HPSE2: variants seen among roughly 807,000 people sequenced by gnomAD.
HPSE2 encodes the protein heparanase 2 (inactive), also known as inactive heparanase-2.
In HPSE2, 38 loss-of-function variants were observed where a neutral mutation model predicts 60.5. The observed-to-expected ratio is 0.63, with a 90% CI of 0.48 to 0.82. The LOEUF (loss-of-function observed/expected upper bound fraction) is 0.82. Ranked by LOEUF, HPSE2 falls within the 40% of genes least tolerant of loss-of-function variation. HPSE2 has a pLI of 0.00. For synonymous variants in HPSE2, 295 were observed against 293.2 expected (o/e 1.01, Z -0.06); for missense variants, 713 against 740.4 (o/e 0.96, Z 0.43).
chr10:98,752,216 C>A (rs1012621584), intron 3 of HPSE2, among the ~76,000 whole-genome samples: 38 of 151,864 alleles, frequency 2.5e-4, no homozygotes, highest in Non-Finnish European at 2.1e-4. Context: ...GTGACTGTGA[C>A]AAAGACACAT....
chr10:99,214,991 G>A (rs1363421174), intron 2 of HPSE2, among the ~76,000 whole-genome samples: 4 of 152,136 alleles, frequency 2.6e-5, no homozygotes, highest in African/African-American at 9.7e-5. Flanking sequence ...CTGTTGGTGG[G>A]AATGTAAATT....
intron 2 of HPSE2, among the ~76,000 whole-genome samples, chr10:99,196,480 G>C (rs989787464): frequency 6.6e-6 from 1 of 151,900 alleles, no homozygotes; most frequent in Non-Finnish European, 1.5e-5. Context: ...TTAATAACCA[G>C]AATACATAAG....
At chr10:99,019,716 GT>G (rs527577817) in intron 3 of HPSE2, among the ~76,000 whole-genome samples, 28 of 144,774 alleles carry the variant, frequency 1.9e-4, no homozygotes, top group African/African-American at 2.3e-4. Context: ...GTTTTTTGTT[GT>G]TTTTTTTTTT....
intron 3 of HPSE2, among the ~76,000 whole-genome samples, chr10:98,768,275 C>G (rs1239763610): frequency 2.6e-5 from 4 of 151,946 alleles, no homozygotes; most frequent in Admixed American, 2.0e-4. Flanking sequence ...AATAAAAATA[C>G]TAGAAGGAAA....
intron 3 of HPSE2, among the ~76,000 whole-genome samples, chr10:99,025,337 T>C (rs1413452652): frequency 6.6e-6 from 1 of 152,114 alleles, no homozygotes; most frequent in Non-Finnish European, 1.5e-5. Context: ...AATCCAGCAA[T>C]CCCATTACTG....
At chr10:98,883,478 A>G (rs1223620555) in intron 3 of HPSE2, among the ~76,000 whole-genome samples, 2 of 152,126 alleles carry the variant, frequency 1.3e-5, no homozygotes, top group African/African-American at 4.8e-5. Flanking sequence ...TTCAATGTCC[A>G]AAATGGCTAG....
chr10:99,307,462 C>A, the HPSE2 span, among the ~76,000 whole-genome samples: 3,084 of 152,188 alleles, frequency 0.02, 113 homozygotes, highest in East Asian at 0.16. Context: ...ATACATGGCC[C>A]ATCACTCATG....
At chr10:98,743,843 T>C in intron 4 of HPSE2, 40 bp downstream of exon 4, 1 of 1,574,668 alleles carries the variant, frequency 6.4e-7, no homozygotes, top group East Asian at 2.2e-5. Flanking sequence ...ATTTTTCCCC[T>C]TTATTTTGTC....
chr10:99,299,826 G>T, the HPSE2 span, among the ~76,000 whole-genome samples: 2 of 152,100 alleles, frequency 1.3e-5, no homozygotes, highest in African/African-American at 4.8e-5. Flanking sequence ...CTGTTTAGTT[G>T]AGGCACTCAG....
intron 3 of HPSE2, among the ~76,000 whole-genome samples, chr10:99,118,274 A>T (rs540891522): frequency 1.3e-4 from 20 of 152,282 alleles, no homozygotes; most frequent in African/African-American, 3.6e-4. Context: ...CTATAATCCC[A>T]GCACTTTGGG....
At chr10:98,778,264 C>G (rs80246474) in intron 3 of HPSE2, among the ~76,000 whole-genome samples, 48 of 112,704 alleles carry the variant, frequency 4.3e-4, no homozygotes, top group East Asian at 7.1e-4. Context: ...GAGAGAGAGA[C>G]AGAGAGAGAG....
intron 3 of HPSE2, among the ~76,000 whole-genome samples, chr10:98,802,310 TGA>T (rs1280818732): frequency 2.0e-5 from 3 of 151,530 alleles, no homozygotes; most frequent in Admixed American, 6.6e-5. Flanking sequence ...ATTTTTTTTT[TGA>T]GTTAATTTTT....
chr10:98,943,464 A>C (rs369794112), intron 3 of HPSE2, among the ~76,000 whole-genome samples: 16 of 152,134 alleles, frequency 1.1e-4, no homozygotes, highest in African/African-American at 3.6e-4. Flanking sequence ...ACAGCCTCCA[A>C]GACAGGCCCT....
intron 3 of HPSE2, among the ~76,000 whole-genome samples, chr10:98,985,302 A>C (rs1236319557): frequency 2.0e-5 from 3 of 152,218 alleles, no homozygotes; most frequent in Non-Finnish European, 4.4e-5. Flanking sequence ...CTTGGCAGAA[A>C]CTCTACAAGC....
intron 7 of HPSE2, among the ~76,000 whole-genome samples, chr10:98,635,079 T>A (rs1041312131): frequency 1.3e-5 from 2 of 152,186 alleles, no homozygotes; most frequent in African/African-American, 4.8e-5. Context: ...ATAAAGTCTA[T>A]GAAGACAAGC....
At chr10:98,920,278 T>C (rs1284061136) in intron 3 of HPSE2, among the ~76,000 whole-genome samples, 1 of 152,188 alleles carries the variant, frequency 6.6e-6, no homozygotes, top group Non-Finnish European at 1.5e-5. Context: ...GGGCTCTTCC[T>C]GCCCAATTTT....
At chr10:99,182,966 C>T (rs986838889) in intron 2 of HPSE2, among the ~76,000 whole-genome samples, 2 of 152,102 alleles carry the variant, frequency 1.3e-5, no homozygotes, top group Admixed American at 6.6e-5. Flanking sequence ...ACCACACACA[C>T]ACACAAAAAA....
intron 3 of HPSE2, among the ~76,000 whole-genome samples, chr10:99,101,834 T>A (rs1052176723): frequency 7.9e-5 from 12 of 152,296 alleles, no homozygotes; most frequent in African/African-American, 2.6e-4. Context: ...AGAAACTCAC[T>A]TAAAACTGCT....
intron 9 of HPSE2, among the ~76,000 whole-genome samples, chr10:98,585,876 C>T (rs567452122): frequency 3.4e-5 from 5 of 148,176 alleles, no homozygotes; most frequent in African/African-American, 9.9e-5. Context: ...TGCTTGAACC[C>T]GGGAGGCAGA....
Sources: allele counts gnomAD v4.1 joint callset (sites outside exome capture counted in the v4.1 genomes callset), GRCh38; gene constraint gnomAD v4.1.1; transcripts MANE v1.5; gene names NCBI Gene and HGNC (gene_info 2026-07-23, HGNC 2026-07-21).